PRKD1: variants seen among roughly 807,000 people sequenced by gnomAD.
PRKD1 encodes serine/threonine-protein kinase D1.
PRKD1 carries 63 observed loss-of-function variants against 95.9 expected under a neutral mutation model. The observed-to-expected ratio is 0.66, with a 90% confidence interval of 0.54 to 0.81. The LOEUF (loss-of-function observed/expected upper bound fraction) is 0.81. Among genes scored for constraint, PRKD1 ranks in the 30% least tolerant of loss-of-function variants. The probability of loss-of-function intolerance (pLI) is 0.00; values close to 1 mark genes in which losing one functional copy is unlikely to be tolerated. For synonymous variants in PRKD1, 425 were observed against 423.1 expected (o/e 1.00, Z -0.05); for missense variants, 1,048 against 1,165.3 (o/e 0.90, Z 1.47).
chr14:29,672,383 C>T (rs886204741), intron 2 of PRKD1, among the ~76,000 whole-genome samples: 1 of 149,450 alleles, frequency 6.7e-6, no homozygotes, highest in Non-Finnish European at 1.5e-5. Context: ...AAATAATTAA[C>T]AATTAGTAAC....
chr14:29,817,815 A>C (rs922173103), intron 1 of PRKD1, among the ~76,000 whole-genome samples: 1 of 152,174 alleles, frequency 6.6e-6, no homozygotes, highest in Non-Finnish European at 1.5e-5. Flanking sequence ...TCCAATAAAG[A>C]AAGAAAAGAA....
chr14:29,737,527 T>G (rs985356321), intron 1 of PRKD1, among the ~76,000 whole-genome samples: 2 of 152,062 alleles, frequency 1.3e-5, no homozygotes, highest in Non-Finnish European at 2.9e-5. Context: ...TCCACAATAA[T>G]TAGTGACATG....
intron 1 of PRKD1, among the ~76,000 whole-genome samples, chr14:29,809,695 GA>G (rs1239682700): frequency 1.3e-5 from 2 of 152,166 alleles, no homozygotes; most frequent in Admixed American, 1.3e-4. Flanking sequence ...TCTGGATTAG[GA>G]TTTGGCTTAA....
intron 1 of PRKD1, among the ~76,000 whole-genome samples, chr14:29,877,403 T>C (rs1303656013): frequency 1.3e-5 from 2 of 152,248 alleles, no homozygotes; most frequent in African/African-American, 2.4e-5. Context: ...CTTTGTCAGA[T>C]GCATACTTTG....
intron 4 of PRKD1, chr14:29,652,969 AT>A (rs1881604998): frequency 6.6e-6 from 1 of 152,220 alleles, no homozygotes; most frequent in Non-Finnish European, 1.5e-5. Flanking sequence ...TAGATAGAAA[AT>A]ACAATGCTGG....
At chr14:29,800,344 G>A (rs1478412880) in intron 1 of PRKD1, among the ~76,000 whole-genome samples, 2 of 152,276 alleles carry the variant, frequency 1.3e-5, no homozygotes, top group East Asian at 1.9e-4. Flanking sequence ...GCGTAGAGGC[G>A]TGCTTGCATT....
chr14:29,587,053 T>C (rs115584133), intron 16 of PRKD1, among the ~76,000 whole-genome samples: 4,197 of 152,218 alleles, frequency 0.028, 193 homozygotes, highest in African/African-American at 0.093. Context: ...AAAAACTGAC[T>C]TGTGCAGGAG....
At chr14:29,901,636 C>T (rs778326436) in intron 1 of PRKD1, among the ~76,000 whole-genome samples, 5 of 152,150 alleles carry the variant, frequency 3.3e-5, no homozygotes, top group Non-Finnish European at 5.9e-5. Flanking sequence ...TAAATTTATA[C>T]TTTAATCAAC....
intron 1 of PRKD1, among the ~76,000 whole-genome samples, chr14:29,868,653 A>T (rs1892995060): frequency 6.6e-6 from 1 of 152,224 alleles, no homozygotes; most frequent in Admixed American, 6.5e-5. Context: ...CTCAAAAATA[A>T]TGAAGAAGAG....
chr14:29,745,784 T>A lies in PRKD1; in HGVS notation c.265-20110A>T. 1.3e-5 allele frequency among the ~76,000 whole-genome samples: 2 copies of A among 152,092 alleles called. 1 individual carries two copies. Among genetic ancestry groups the A allele is most frequent in the Non-Finnish European group, 2.9e-5 (2 of 68,022 alleles). ...AGCCACCTGCACCCAGCCCATTTTT[T>A]AAAACATTACCAACCAAAGCAACAC... On this transcript the variant is annotated intron_variant, in intron 1 of 17. Coordinates refer to ENST00000331968, the MANE Select transcript of PRKD1 (RefSeq NM_002742.3).
chr14:29,702,385 A>G (rs1884885105), intron 2 of PRKD1, among the ~76,000 whole-genome samples: 1 of 152,052 alleles, frequency 6.6e-6, no homozygotes, highest in African/African-American at 2.4e-5. Flanking sequence ...ATGATATTAG[A>G]CCATTCTACT....
chr14:29,578,377 G>A lies in PRKD1; in HGVS notation c.2435-17C>T, dbSNP rs199822120. ...GATCAATGGCTGAAAAAAATTACCA[G>A]TAAAAATAGATGACAAATCTGTAAC... On this transcript the variant is annotated splice_polypyrimidine_tract_variant and intron_variant, in intron 16 of 17. Coordinates refer to ENST00000331968, the MANE Select transcript of PRKD1 (RefSeq NM_002742.3). 2 of 1,557,010 alleles carry A rather than the reference G, an allele frequency of 1.3e-6. No individual in the cohort carries two copies. Among genetic ancestry groups the A allele is most frequent in the Admixed American group, 1.7e-5 (1 of 57,356 alleles).
In PRKD1 at chr14:29,749,201, C is replaced by G. The variant is rs1887365970; in HGVS notation, c.265-23527G>C. Reference sequence around the variant, plus strand: ...ACTTCATTCTGCTGTTATCTTAGACCTACTACACTATCTCTTCTCCCACTC... The same window carrying G: ...ACTTCATTCTGCTGTTATCTTAGACGTACTACACTATCTCTTCTCCCACTC... On this transcript the variant is annotated intron_variant, in intron 1 of 17. Transcript: ENST00000331968. Among the ~76,000 whole-genome samples the G allele has an allele frequency of 2.6e-5, 4 of 152,098 alleles. No homozygotes were observed. The South Asian group carries it at 8.3e-4, about 32-fold the overall frequency.
At chr14:29,639,327 GTT>G (rs1880599637) in intron 4 of PRKD1, among the ~76,000 whole-genome samples, 1 of 152,092 alleles carries the variant, frequency 6.6e-6, no homozygotes, top group African/African-American at 2.4e-5. Context: ...AATGCCTCCT[GTT>G]TGCCCTACAT....
At chr14:29,584,050 C>A (rs919125331) in intron 16 of PRKD1, among the ~76,000 whole-genome samples, 1 of 152,048 alleles carries the variant, frequency 6.6e-6, no homozygotes, top group African/African-American at 2.4e-5. Context: ...TTCTGTGCAG[C>A]CTATTTGCTA....
chr14:29,697,648 C>T (rs1176927116), intron 2 of PRKD1, among the ~76,000 whole-genome samples: 1 of 151,972 alleles, frequency 6.6e-6, no homozygotes, highest in Non-Finnish European at 1.5e-5. Flanking sequence ...TATAAAATGT[C>T]GTTTCATGAA....
intron 1 of PRKD1, among the ~76,000 whole-genome samples, chr14:29,749,011 T>TA (rs1463497476): frequency 6.6e-6 from 1 of 152,256 alleles, no homozygotes; most frequent in East Asian, 1.9e-4. Context: ...AGACTTGAAA[T>TA]AAAAAATGTT....
chr14:29,829,989 G>C (rs1891340520), intron 1 of PRKD1, among the ~76,000 whole-genome samples: 1 of 152,104 alleles, frequency 6.6e-6, no homozygotes, highest in Admixed American at 6.6e-5. Flanking sequence ...TTGCTCCTCT[G>C]TCTACTTCAT....
chr14:29,576,844 T>G lies in PRKD1; in HGVS notation c.*394A>C. 1 of 227,724 alleles carries G rather than the reference T, an allele frequency of 4.4e-6. No homozygotes were observed. The highest frequency in any genetic ancestry group is 8.9e-6 in the Non-Finnish European group (1 of 112,184). The allele number at this position is 227,724 out of a possible 1,614,324, so 14.1% of individuals were successfully genotyped here. A position where few individuals can be genotyped will look rare whatever the true frequency, so the allele number is the denominator to read the frequency against. On this transcript the variant is annotated 3_prime_UTR_variant, in exon 18 of 18. Coordinates refer to ENST00000331968, the MANE Select transcript of PRKD1 (RefSeq NM_002742.3). Reference sequence around the variant, plus strand: ...GGAAATAATCGACTCTTCAAGAGTTTGTTTACAATGACAACACCAATGGGA... The same window carrying G: ...GGAAATAATCGACTCTTCAAGAGTTGGTTTACAATGACAACACCAATGGGA...
Sources: gnomAD v4.1 joint callset for allele counts (sites outside exome capture counted in the v4.1 genomes callset) on GRCh38, gnomAD v4.1.1 for gene constraint, MANE v1.5 for transcripts, NCBI Gene and HGNC (gene_info 2026-07-23, HGNC 2026-07-21) for gene names.